PAQR3: variants seen among roughly 807,000 people sequenced by gnomAD.
PAQR3 encodes the protein progestin and adipoQ receptor family member 3.
A neutral mutation model predicts 41.7 loss-of-function variants in PAQR3; 39 were observed. That is an observed-to-expected ratio of 0.93 (90% CI 0.72 to 1.22). The LOEUF (loss-of-function observed/expected upper bound fraction) is 1.22. Among genes scored for constraint, PAQR3 ranks in the 50% most tolerant of loss-of-function variants. PAQR3 has a pLI of 0.00. For missense variants in PAQR3, 366 were observed against 385.6 expected (o/e 0.95, Z 0.42); for synonymous variants, 140 against 140.6 (o/e 1.00, Z 0.03).
rs1382406873 is a variant in PAQR3, at chr4:78,916,353, A to G, written c.*4186T>C. On this transcript the variant is annotated 3_prime_UTR_variant, in exon 6 of 6. Coordinates refer to ENST00000512733, the MANE Select transcript of PAQR3 (RefSeq NM_001040202.2). The stretch of plus-strand genomic sequence containing the variant: ...ATGCAATAAATCCCAAATGGATTGC[A>G]TATTCTTTATAATCAGTGACTTTGG... 1 of 151,990 alleles carries G rather than the reference A, an allele frequency of 6.6e-6. No individual in the cohort carries two copies. Among genetic ancestry groups the G allele is most frequent in the Non-Finnish European group, 1.5e-5 (1 of 67,898 alleles). The allele number at this position is 151,990 out of a possible 1,614,324, so 9.4% of individuals were successfully genotyped here.
chr4:78,909,228 G>A (rs1362884418), downstream of PAQR3, among the ~76,000 whole-genome samples: 2 of 151,776 alleles, frequency 1.3e-5, no homozygotes, highest in East Asian at 3.9e-4. Flanking sequence ...AGTAGAGATG[G>A]GGTTTCACCA....
downstream of PAQR3, chr4:78,911,412 G>C: frequency 6.2e-7 from 1 of 1,613,984 alleles, no homozygotes; most frequent in African/African-American, 1.3e-5. Context: ...ACCTTTTTGG[G>C]CTTGTGCCCT....
chr4:78,935,249 A>T lies in PAQR3; in HGVS notation c.220T>A (p.Trp74Arg), dbSNP rs1216679311. The T allele has an allele frequency of 6.2e-7, 1 of 1,613,548 alleles. No homozygotes were observed. The highest frequency in any genetic ancestry group is 1.1e-5 in the South Asian group (1 of 90,964). Residue 74 changes from tryptophan to arginine, a missense_variant, in exon 2 of 6, where the codon TGG (tryptophan) becomes AGG (arginine). By Grantham distance (101) the Trp-to-Arg change is moderately radical. Coordinates refer to ENST00000512733, the MANE Select transcript of PAQR3 (RefSeq NM_001040202.2). The part of the protein sequence containing the change: ...FILSNETVNI[W>R]SHLLGFFLFF... ...AGAAAGAAACCCAGCAAATGACTCCAGATGTTTACTGTCTCATTAGATAAA... is the reference window on the plus strand; with the variant it reads ...AGAAAGAAACCCAGCAAATGACTCCTGATGTTTACTGTCTCATTAGATAAA...
At position 78,926,550 on chromosome 4, in the gene PAQR3, T is replaced by G. The variant is rs756162123; in HGVS notation, c.673A>C (p.Asn225His). 2.5e-6 allele frequency: 4 copies of G among 1,613,538 alleles called. No individual in the cohort carries two copies. In the Admixed American group the frequency reaches 6.7e-5, roughly 27 times the overall value. The change falls in exon 4 of 6, where the codon AAT becomes CAT. Residue 225 changes from asparagine to histidine, a missense_variant. Asn to His is a moderately conservative substitution (Grantham distance 68, BLOSUM62 1). Transcript: ENST00000512733. ...ACAATAGGAGCACCAATTCCTCCAT[T>G]GAGCCAAACCCAGTGAAGAGTAGGA... ...VIPTLHWVWLNGGIGAPIVQD... is the reference protein window; with the variant it reads ...VIPTLHWVWLHGGIGAPIVQD...
In PAQR3 at chr4:78,917,993, T is replaced by C; in HGVS notation, c.*2546A>G. 1 of 983,768 alleles carries C rather than the reference T, an allele frequency of 1.0e-6. No individual in the cohort carries two copies. Among genetic ancestry groups the C allele is most frequent in the Non-Finnish European group, 1.2e-6 (1 of 828,052 alleles). 60.9% of individuals were successfully genotyped at this position (983,768 alleles called of 1,614,324 possible). A position where few individuals can be genotyped will look rare whatever the true frequency, so the allele number is the denominator to read the frequency against. ...ATACATATTTTGTCATGCAGCTTAC[T>C]GAATTGCAGTTAGTGTAATAACAAA... On this transcript the variant is annotated 3_prime_UTR_variant, in exon 6 of 6. Transcript: ENST00000512733.
chr4:78,918,339 C>G lies in PAQR3; in HGVS notation c.*2200G>C. The stretch of plus-strand genomic sequence containing the variant: ...AAATATTTTTTAATGTTAACAATGT[C>G]TTCAAAATTTTACCAGTAGTGCTGT... On this transcript the variant is annotated 3_prime_UTR_variant, in exon 6 of 6. Coordinates refer to ENST00000512733, the MANE Select transcript of PAQR3 (RefSeq NM_001040202.2). 2 of 976,072 alleles carry G rather than the reference C, an allele frequency of 2.0e-6. No homozygotes were observed. The highest frequency in any genetic ancestry group is 2.4e-6 in the Non-Finnish European group (2 of 821,126). The allele number at this position is 976,072 out of a possible 1,614,324, so 60.5% of individuals were successfully genotyped here. A position where few individuals can be genotyped will look rare whatever the true frequency, so the allele number is the denominator to read the frequency against.
intron 2 of PAQR3, among the ~76,000 whole-genome samples, chr4:78,933,569 G>A (rs1737132670): frequency 6.6e-6 from 1 of 152,200 alleles, no homozygotes; most frequent in Non-Finnish European, 1.5e-5. Flanking sequence ...TTGATAAGAA[G>A]TGGTCTTTTC....
At chr4:78,927,428 A>T (rs1405442439) in intron 3 of PAQR3, among the ~76,000 whole-genome samples, 1 of 152,248 alleles carries the variant, frequency 6.6e-6, no homozygotes, top group Non-Finnish European at 1.5e-5. Flanking sequence ...ACAGGAAACC[A>T]GCTAGAAAGA....
intron 3 of PAQR3, among the ~76,000 whole-genome samples, chr4:78,927,847 G>A (rs867495696): frequency 4.6e-5 from 7 of 152,216 alleles, no homozygotes; most frequent in Middle Eastern, 3.2e-3. Context: ...TTAACTTTCT[G>A]AAATCAAATG....
Position 78,919,338 on chromosome 4 carries a change from A to C in PAQR3, c.*1201T>G. On this transcript the variant is annotated 3_prime_UTR_variant, in exon 6 of 6. Coordinates refer to ENST00000512733, the MANE Select transcript of PAQR3 (RefSeq NM_001040202.2). ...TAAGTTTTTATGAATGTCTACTTTA[A>C]GGGATTTAACTAATGCATATGAAAG... The C allele has an allele frequency of 1.0e-6, 1 of 983,378 alleles. No individual in the cohort carries two copies. Among genetic ancestry groups the C allele is most frequent in the Non-Finnish European group, 1.2e-6 (1 of 828,186 alleles). The allele number at this position is 983,378 out of a possible 1,614,324, so 60.9% of individuals were successfully genotyped here.
At position 78,920,626 on chromosome 4, in the gene PAQR3, C is replaced by T. The variant is rs1735566555; in HGVS notation, c.849G>A (p.Val283=). 2 of 1,611,606 alleles carry T rather than the reference C, an allele frequency of 1.2e-6. No homozygotes were observed. Among genetic ancestry groups the T allele is most frequent in the East Asian group, 2.2e-5 (1 of 44,816 alleles). The stretch of plus-strand genomic sequence containing the variant: ...TTGACTGATGCCACCAATATAACAT[C>T]ACTACTGCAAGGATATGCCATATTT... ...SHQIWHILAV[V]MLYWWHQSTV... The change falls in exon 6 of 6, where the codon GTG becomes GTA. Residue 283 remains valine (V), a synonymous_variant. Transcript: ENST00000512733.
chr4:78,936,281 C>G (rs1003813158), intron 1 of PAQR3, among the ~76,000 whole-genome samples: 18 of 152,190 alleles, frequency 1.2e-4, no homozygotes, highest in African/African-American at 4.3e-4. Context: ...TCTGCAAAAT[C>G]TCGTATTTTT....
In PAQR3 at chr4:78,938,204, A is replaced by G. The variant is rs191247044; in HGVS notation, c.185+836T>C. Among the ~76,000 whole-genome samples, 175 of 152,390 alleles carry G rather than the reference A, an allele frequency of 1.1e-3. 2 individuals carry two copies. The highest frequency in any genetic ancestry group is 0.011 in the Admixed American group (173 of 15,308). On this transcript the variant is annotated intron_variant, in intron 1 of 5. Transcript: ENST00000512733. Reference sequence around the variant, plus strand: ...CACTACAGCGACCTGGAGCTAACCAACACCTGTATCTTAATTCTCCTGAAG... The same window carrying G: ...CACTACAGCGACCTGGAGCTAACCAGCACCTGTATCTTAATTCTCCTGAAG...
chr4:78,930,490 G>A (rs1335635042), intron 2 of PAQR3, 165 bp from the exon 3 acceptor site: 1 of 460,124 alleles, frequency 2.2e-6, no homozygotes, highest in African/African-American at 2.0e-5. Context: ...CACTCTACAT[G>A]TAGAGCCATG....
intron 4 of PAQR3, among the ~76,000 whole-genome samples, chr4:78,924,678 G>C (rs1299641637): frequency 2.0e-5 from 3 of 150,372 alleles, no homozygotes; most frequent in African/African-American, 7.3e-5. Flanking sequence ...TTCAAAACTA[G>C]CCTGGGTAAC....
chr4:78,928,922 AT>A (rs1225981070), intron 3 of PAQR3, among the ~76,000 whole-genome samples: 4 of 152,242 alleles, frequency 2.6e-5, no homozygotes, highest in Non-Finnish European at 5.9e-5. Flanking sequence ...ATCATCAAGC[AT>A]TACATTGCAC....
In PAQR3 at chr4:78,916,760, T is replaced by A. The variant is rs1735115478; in HGVS notation, c.*3779A>T. 6.6e-6 allele frequency: 1 copy of A among 151,920 alleles called. No homozygotes were observed. Among genetic ancestry groups the A allele is most frequent in the African/African-American group, 2.4e-5 (1 of 41,424 alleles). 9.4% of individuals were successfully genotyped at this position (151,920 alleles called of 1,614,324 possible). On this transcript the variant is annotated 3_prime_UTR_variant, in exon 6 of 6. Coordinates refer to ENST00000512733, the MANE Select transcript of PAQR3 (RefSeq NM_001040202.2). ...ATAACATCTTTGGCTGAATTAATAC[T>A]GGTTATTTGCTTAAATAACATTGTA...
Position 78,914,426 on chromosome 4 carries a change from GGA to G in PAQR3, c.*6111_*6112del, listed in dbSNP as rs1481969223. The G allele has an allele frequency of 1.3e-5, 2 of 152,076 alleles. No homozygotes were observed. The highest frequency in any genetic ancestry group is 1.9e-4 in the East Asian group (1 of 5,188). 9.4% of individuals were successfully genotyped at this position (152,076 alleles called of 1,614,324 possible). A position where few individuals can be genotyped will look rare whatever the true frequency, so the allele number is the denominator to read the frequency against. ...ATTGGGGGTTCAATAGGATAGAAAT[GGA>G]GAGATTCCTTTGTGTTGTAGTAGAG... On this transcript the variant is annotated 3_prime_UTR_variant, in exon 6 of 6. Transcript: ENST00000512733.
At chr4:78,910,950 C>T, downstream of PAQR3, 1 of 1,613,694 alleles carries the variant, frequency 6.2e-7, no homozygotes, top group Non-Finnish European at 8.5e-7. Flanking sequence ...AGAAACATAG[C>T]TCTGATTCTG....
Sources: gnomAD v4.1 joint callset for allele counts (sites outside exome capture counted in the v4.1 genomes callset) on GRCh38, gnomAD v4.1.1 for gene constraint, MANE v1.5 for transcripts, NCBI Gene and HGNC (gene_info 2026-07-23, HGNC 2026-07-21) for gene names.